GBP3: variants seen among roughly 807,000 people sequenced by gnomAD.
GBP3 encodes the protein guanylate-binding protein 3.
A neutral mutation model predicts 62.4 loss-of-function variants in GBP3; 55 were observed. The observed-to-expected ratio is 0.88, with a 90% CI of 0.71 to 1.10. GBP3 has a LOEUF of 1.10. Ranked by LOEUF, GBP3 falls within the 50% of genes least tolerant of loss-of-function variation. The probability of loss-of-function intolerance (pLI) is 0.00; values close to 1 mark genes in which losing one functional copy is unlikely to be tolerated. For missense variants in GBP3, 605 were observed against 690.6 expected, an observed-to-expected ratio of 0.88 and a Z score of 1.39; for synonymous variants, 208 against 259.2, an observed-to-expected ratio of 0.80 and a Z score of 1.90.
Position 89,008,956 on chromosome 1 carries a change from A to T in GBP3, c.1650T>A (p.Ser550Arg). ...TGATGCATTTGGATACCTGAAGTTTACTAGTGAGGGTCTTCTCTTGCTCTT... is the reference window on the plus strand; with the variant it reads ...TGATGCATTTGGATACCTGAAGTTTTCTAGTGAGGGTCTTCTCTTGCTCTT... ...LLEEQEKTLT[S>R]KLQEQARVLK... is the part of the protein sequence containing the mutation. Residue 550 changes from serine to arginine, a missense_variant, in exon 10 of 11, where the codon AGT becomes AGA. Ser to Arg is a moderately radical substitution (Grantham distance 110, BLOSUM62 -1). Coordinates refer to ENST00000370481, the MANE Select transcript of GBP3 (RefSeq NM_018284.3). 6.2e-7 allele frequency: 1 copy of T among 1,614,116 alleles called. No homozygotes were observed. The highest frequency in any genetic ancestry group is 8.5e-7 in the Non-Finnish European group (1 of 1,179,942).
Position 89,010,889 on chromosome 1 carries a change from A to G in GBP3, c.1362+15T>C. ...GTCAGCAGGTTTCCATAATCGACAGATGAATCTTGGTTACCTGTATCCCCT... is the reference window on the plus strand; with the variant it reads ...GTCAGCAGGTTTCCATAATCGACAGGTGAATCTTGGTTACCTGTATCCCCT... On this transcript the variant is annotated intron_variant, in intron 8 of 10. Coordinates refer to ENST00000370481, the MANE Select transcript of GBP3 (RefSeq NM_018284.3). The G allele has an allele frequency of 2.1e-6, 3 of 1,461,862 alleles. 1 individual carries two copies. The highest frequency in any genetic ancestry group is 2.4e-5 in the South Asian group (2 of 84,690). The allele number at this position is 1,461,862 out of a possible 1,614,324, so 90.6% of individuals were successfully genotyped here.
At chr1:89,021,541 CACA>C (rs1557734701) in intron 1 of GBP3, among the ~76,000 whole-genome samples, 9 of 146,242 alleles carry the variant, frequency 6.2e-5, no homozygotes, top group East Asian at 6.0e-4. Context: ...CACACACACA[CACA>C]CCCCAAAAAA....
In GBP3 at chr1:89,007,512, T is replaced by C; in HGVS notation, c.*212A>G. 2.2e-6 allele frequency: 1 copy of C among 457,808 alleles called. No homozygotes were observed. Among genetic ancestry groups the C allele is most frequent in the South Asian group, 3.2e-5 (1 of 30,872 alleles). The allele number at this position is 457,808 out of a possible 1,614,324, so 28.4% of individuals were successfully genotyped here. ...AGTGGTGGCAACTCATGATCCCTCCTCTGTTGGTACAGAGGTAAATGCATC... is the reference window on the plus strand; with the variant it reads ...AGTGGTGGCAACTCATGATCCCTCCCCTGTTGGTACAGAGGTAAATGCATC... On this transcript the variant is annotated 3_prime_UTR_variant, in exon 11 of 11. Coordinates refer to ENST00000370481, the MANE Select transcript of GBP3 (RefSeq NM_018284.3).
intron 2 of GBP3, among the ~76,000 whole-genome samples, chr1:89,016,094 C>A (rs986219770): frequency 9.9e-5 from 15 of 152,174 alleles, no homozygotes; most frequent in African/African-American, 3.6e-4. Flanking sequence ...AGCAAAGTTG[C>A]AGCATACAAA....
chr1:89,008,395 T>G (rs1678355739), intron 10 of GBP3, among the ~76,000 whole-genome samples: 1 of 149,682 alleles, frequency 6.7e-6, no homozygotes, highest in Admixed American at 6.7e-5. Context: ...CAACACAAAC[T>G]GTGAGTAGGG....
At chr1:89,010,183 G>A (rs1400671631) in intron 8 of GBP3, among the ~76,000 whole-genome samples, 5 of 150,434 alleles carry the variant, frequency 3.3e-5, no homozygotes, top group African/African-American at 9.8e-5. Context: ...GTGCAGTGGC[G>A]TGATCTTGGC....
At chr1:89,011,718 A>C in intron 7 of GBP3, 29 bp downstream of exon 7, 1 of 1,460,576 alleles carries the variant, frequency 6.8e-7, no homozygotes, top group Non-Finnish European at 9.5e-7. Flanking sequence ...CCAAAATCCA[A>C]ATCCATGTAA....
chr1:89,015,433 A>T lies in GBP3; in HGVS notation c.191-19T>A. 6.2e-7 allele frequency: 1 copy of T among 1,604,316 alleles called. No homozygotes were observed. Among genetic ancestry groups the T allele is most frequent in the Non-Finnish European group, 8.5e-7 (1 of 1,176,460 alleles). On this transcript the variant is annotated intron_variant, in intron 2 of 10. Coordinates refer to ENST00000370481, the MANE Select transcript of GBP3 (RefSeq NM_018284.3). ...GAGAAGCCTGTAAAGGAGAGATGGG[A>T]TAAGAAGGGCTGGAGGTTTAATAGC...
At chr1:89,008,587 G>A (rs1678368659) in intron 10 of GBP3, among the ~76,000 whole-genome samples, 1 of 151,104 alleles carries the variant, frequency 6.6e-6, no homozygotes, top group Admixed American at 6.6e-5. Flanking sequence ...CACTATAAAA[G>A]TTATTTAATA....
chr1:89,021,511 C>T (rs1679197239), intron 1 of GBP3, among the ~76,000 whole-genome samples: 1 of 26,438 alleles, frequency 3.8e-5, no homozygotes, highest in African/African-American at 2.0e-4. Context: ...CGCGCGCGCG[C>T]ACACACACAC....
intron 2 of GBP3, chr1:89,020,075 AC>A (rs1415192870): frequency 4.1e-6 from 1 of 245,308 alleles, no homozygotes; most frequent in African/African-American, 2.2e-5. Flanking sequence ...CCCTGTGTCT[AC>A]CAAAAATACA....
At chr1:89,010,878 A>G (rs1393186588) in intron 8 of GBP3, 26 bp downstream of exon 8, 2 of 1,461,800 alleles carry the variant, frequency 1.4e-6, no homozygotes, top group Non-Finnish European at 1.9e-6. Context: ...GCAGGTTTCC[A>G]TAATCGACAG....
Position 89,010,775 on chromosome 1 carries a change from T to G in GBP3, c.1362+129A>C. ...ATAACAGTCTCCCTCCCTGCATATG[T>G]TATTGAATGAAAGCATGAATGTTAT... On this transcript the variant is annotated intron_variant, in intron 8 of 10. Transcript: ENST00000370481. 9.9e-6 allele frequency: 12 copies of G among 1,217,152 alleles called. 2 individuals carry two copies. The highest frequency in any genetic ancestry group is 1.4e-5 in the Non-Finnish European group (12 of 839,046). The allele number at this position is 1,217,152 out of a possible 1,614,324, so 75.4% of individuals were successfully genotyped here.
At chr1:89,016,575 G>A (rs1016057483) in intron 2 of GBP3, among the ~76,000 whole-genome samples, 2 of 152,074 alleles carry the variant, frequency 1.3e-5, no homozygotes, top group Non-Finnish European at 2.9e-5. Flanking sequence ...CTTGTATAAT[G>A]AAAATTACAA....
intron 2 of GBP3, among the ~76,000 whole-genome samples, chr1:89,016,456 T>C (rs1363828409): frequency 6.6e-6 from 1 of 151,966 alleles, no homozygotes; most frequent in African/African-American, 2.4e-5. Flanking sequence ...GAGGTGGAGG[T>C]TGCAGTGAGC....
chr1:89,015,553 G>T (rs566421683), intron 2 of GBP3, 139 bp from the exon 3 acceptor site: 3 of 596,716 alleles, frequency 5.0e-6, no homozygotes, highest in Non-Finnish European at 7.9e-6. Flanking sequence ...CTTATAATCA[G>T]AAAAATAGAA....
chr1:89,012,562 T>A lies in GBP3; in HGVS notation c.869-535A>T, dbSNP rs1192096882. Among the ~76,000 whole-genome samples, 2 of 139,170 alleles carry A rather than the reference T, an allele frequency of 1.4e-5. 1 individual carries two copies. 91.3% of individuals were successfully genotyped at this position (139,170 alleles called of 152,430 possible). A position where few individuals can be genotyped will look rare whatever the true frequency, so the allele number is the denominator to read the frequency against. On this transcript the variant is annotated intron_variant, in intron 6 of 10. Coordinates refer to ENST00000370481, the MANE Select transcript of GBP3 (RefSeq NM_018284.3). ...TACATGTAAATATAAGCCTTTGAAA[T>A]ATAGCCATGTGAATTGACCTTTAAT...
chr1:89,008,453 T>C (rs967321782), intron 10 of GBP3, among the ~76,000 whole-genome samples: 1 of 148,422 alleles, frequency 6.7e-6, no homozygotes, highest in East Asian at 2.0e-4. Context: ...GTGTGAGGGT[T>C]AGGGAGTCCT....
At position 89,013,125 on chromosome 1, in the gene GBP3, A is replaced by G. The variant is rs774419370; in HGVS notation, c.868+60T>C. The G allele has an allele frequency of 3.2e-4, 499 of 1,551,738 alleles. 1 individual carries two copies. Among genetic ancestry groups the G allele is most frequent in the Non-Finnish European group, 4.2e-4 (472 of 1,132,096 alleles). On this transcript the variant is annotated intron_variant, in intron 6 of 10. Coordinates refer to ENST00000370481, the MANE Select transcript of GBP3 (RefSeq NM_018284.3). ...AGTGCTGGGATTACAGGCATGAACCATCATGCCTGGCCATCCTTTAGTTTT... is the reference window on the plus strand; with the variant it reads ...AGTGCTGGGATTACAGGCATGAACCGTCATGCCTGGCCATCCTTTAGTTTT...
Sources: gnomAD v4.1 joint callset for allele counts (sites outside exome capture counted in the v4.1 genomes callset) on GRCh38, gnomAD v4.1.1 for gene constraint, MANE v1.5 for transcripts, NCBI Gene and HGNC (gene_info 2026-07-23, HGNC 2026-07-21) for gene names.